Variants in LRRC7 observed in about 807,000 individuals in gnomAD.
LRRC7 encodes leucine-rich repeat-containing protein 7.
LRRC7 carries 23 observed loss-of-function variants against 175.7 expected under a neutral mutation model. The ratio of observed to expected loss-of-function variants is 0.13; its 90% confidence interval spans 0.09 to 0.19. The LOEUF is 0.19. Among genes scored for constraint, LRRC7 ranks in the 10% least tolerant of loss-of-function variants. The probability of loss-of-function intolerance (pLI) is 1.00; values close to 1 mark genes in which losing one functional copy is unlikely to be tolerated. For synonymous variants in LRRC7, 685 were observed against 680.9 expected (o/e 1.01, Z -0.09); for missense variants, 1,354 against 1,904.7 (o/e 0.71, Z 5.38).
intron 23 of LRRC7, among the ~76,000 whole-genome samples, chr1:70,063,664 T>C (rs1661750783): frequency 6.6e-6 from 1 of 152,086 alleles, no homozygotes; most frequent in African/African-American, 2.4e-5. Context: ...TTCTTAGAAA[T>C]CTTAAGGGTG....
At chr1:69,625,494 T>G (rs1288760476) in intron 1 of LRRC7, among the ~76,000 whole-genome samples, 1 of 142,060 alleles carries the variant, frequency 7.0e-6, no homozygotes, top group Non-Finnish European at 1.6e-5. Context: ...AAGTTTACTA[T>G]TTCCCACCTT....
At chr1:69,688,637 T>A (rs990800943) in intron 2 of LRRC7, among the ~76,000 whole-genome samples, 1 of 139,154 alleles carries the variant, frequency 7.2e-6, no homozygotes, top group African/African-American at 2.7e-5. Context: ...TATGGTTTTT[T>A]TTTTTTTTAA....
chr1:70,070,989 A>C lies in LRRC7; in HGVS notation c.4231-5088A>C, dbSNP rs78685022. Among the ~76,000 whole-genome samples, 404 of 152,268 alleles carry C rather than the reference A, an allele frequency of 2.7e-3. 1 individual carries two copies. The highest frequency in any genetic ancestry group is 9.4e-3 in the African/African-American group (391 of 41,540). On this transcript the variant is annotated intron_variant, in intron 23 of 26. Coordinates refer to ENST00000651989, the MANE Select transcript of LRRC7 (RefSeq NM_001370785.2). ...CCTTCTCTAACACCACTCTAGCAGA[A>C]GTGTTTGTATGCCTTGTGACATCCT... is the stretch of plus-strand genomic sequence containing the variant.
intron 7 of LRRC7, among the ~76,000 whole-genome samples, chr1:69,869,663 G>A (rs1685313581): frequency 6.6e-6 from 1 of 152,080 alleles, no homozygotes; most frequent in Non-Finnish European, 1.5e-5. Flanking sequence ...TATGGGACAG[G>A]CAGAGAACAA....
At chr1:69,956,283 A>G (rs1650473688) in intron 8 of LRRC7, among the ~76,000 whole-genome samples, 1 of 151,838 alleles carries the variant, frequency 6.6e-6, no homozygotes, top group Non-Finnish European at 1.5e-5. Flanking sequence ...CTATATCAAC[A>G]TTTTGTCTGA....
intron 7 of LRRC7, among the ~76,000 whole-genome samples, chr1:69,850,174 A>G (rs1053571756): frequency 3.9e-5 from 6 of 152,010 alleles, no homozygotes; most frequent in Non-Finnish European, 7.4e-5. Context: ...TGAAGTTGTA[A>G]AGAAAGAGAA....
At chr1:69,874,977 T>C (rs987854527) in intron 7 of LRRC7, 2 of 152,072 alleles carry the variant, frequency 1.3e-5, no homozygotes, top group South Asian at 2.1e-4. Context: ...ATATTGCTAT[T>C]CTAAAAATAA....
intron 26 of LRRC7, among the ~76,000 whole-genome samples, chr1:70,109,478 G>A (rs1323473771): frequency 6.6e-6 from 1 of 152,224 alleles, no homozygotes; most frequent in Non-Finnish European, 1.5e-5. Context: ...TATGCAGGCA[G>A]AAGATGTAAA....
chr1:69,882,665 C>G (rs1167394042), intron 7 of LRRC7, among the ~76,000 whole-genome samples: 1 of 148,580 alleles, frequency 6.7e-6, no homozygotes, highest in African/African-American at 2.5e-5. Flanking sequence ...GCACATTGTG[C>G]AGGTTAGTTA....
chr1:69,672,558 A>G (rs550338290), intron 1 of LRRC7, among the ~76,000 whole-genome samples: 30 of 152,340 alleles, frequency 2.0e-4, no homozygotes, highest in African/African-American at 7.2e-4. Flanking sequence ...ATGTACATAT[A>G]AAGAACCTAA....
At chr1:69,649,852 G>GAAAA (rs35032125) in intron 1 of LRRC7, among the ~76,000 whole-genome samples, 2 of 147,056 alleles carry the variant, frequency 1.4e-5, no homozygotes, top group African/African-American at 5.0e-5. Flanking sequence ...CAAAGTGATT[G>GAAAA]AAAAAAAAAA....
At chr1:69,806,917 A>G (rs1476363342) in intron 4 of LRRC7, among the ~76,000 whole-genome samples, 1 of 151,988 alleles carries the variant, frequency 6.6e-6, no homozygotes, top group African/African-American at 2.4e-5. Flanking sequence ...AGACAATTTT[A>G]AGGAGGCATC....
chr1:70,065,112 A>C (rs535047541), intron 23 of LRRC7, among the ~76,000 whole-genome samples: 1 of 151,970 alleles, frequency 6.6e-6, no homozygotes, highest in South Asian at 2.1e-4. Flanking sequence ...ATACAACTGC[A>C]CTGAATATTG....
At chr1:69,719,433 TCTAA>T (rs1455175077) in intron 2 of LRRC7, among the ~76,000 whole-genome samples, 3 of 151,614 alleles carry the variant, frequency 2.0e-5, no homozygotes, top group South Asian at 2.1e-4. Context: ...CTCAGAATTA[TCTAA>T]CTATTTTCTA....
chr1:70,131,089 T>TA lies in LRRC7; in HGVS notation c.*9203dup, dbSNP rs1055766418. ...GCCACTGTAAAAGCTATATAATTGA[T>TA]ATGATTAACTATTTAGATAGAGCAC... On this transcript the variant is annotated 3_prime_UTR_variant, in exon 27 of 27. Transcript: ENST00000651989. 6.6e-6 allele frequency among the ~76,000 whole-genome samples: 1 copy of TA among 152,208 alleles called. No homozygotes were observed. Among genetic ancestry groups the TA allele is most frequent in the African/African-American group, 2.4e-5 (1 of 41,450 alleles).
chr1:69,737,899 C>A (rs1570573687), intron 2 of LRRC7, among the ~76,000 whole-genome samples: 1 of 152,108 alleles, frequency 6.6e-6, no homozygotes. Flanking sequence ...TAGGGCTGGA[C>A]TTTACTCTTT....
chr1:69,859,402 G>A (rs1357017411), intron 7 of LRRC7, among the ~76,000 whole-genome samples: 1 of 152,004 alleles, frequency 6.6e-6, no homozygotes, highest in African/African-American at 2.4e-5. Context: ...CACCTATATA[G>A]AAGGCTTACT....
intron 23 of LRRC7, among the ~76,000 whole-genome samples, chr1:70,066,790 T>A (rs1662012768): frequency 1.3e-5 from 2 of 152,064 alleles, no homozygotes; most frequent in Admixed American, 6.6e-5. Flanking sequence ...CATGTTCAAT[T>A]TGTAAAGAAA....
At chr1:69,894,192 T>C (rs185633946) in intron 7 of LRRC7, among the ~76,000 whole-genome samples, 8 of 152,346 alleles carry the variant, frequency 5.3e-5, no homozygotes, top group Non-Finnish European at 1.2e-4. Flanking sequence ...CATGTATTAA[T>C]TCACATAGCC....
Sources: allele counts gnomAD v4.1 joint callset (sites outside exome capture counted in the v4.1 genomes callset), GRCh38; gene constraint gnomAD v4.1.1; transcripts MANE v1.5; gene names NCBI Gene and HGNC (gene_info 2026-07-23, HGNC 2026-07-21).